FAM222A: variants seen among roughly 807,000 people sequenced by gnomAD.
FAM222A encodes the protein protein FAM222A.
In FAM222A, 7 loss-of-function variants were observed where a neutral mutation model predicts 25.8. The observed-to-expected ratio is 0.27, with a 90% CI of 0.15 to 0.51. The LOEUF (loss-of-function observed/expected upper bound fraction) is 0.51. Among genes scored for constraint, FAM222A ranks in the 20% least tolerant of loss-of-function variants. The probability of loss-of-function intolerance (pLI) is 0.97; values close to 1 mark genes in which losing one functional copy is unlikely to be tolerated. For missense variants in FAM222A, 573 were observed against 640.5 expected (o/e 0.89, Z 1.14); for synonymous variants, 294 against 298.8 (o/e 0.98, Z 0.17).
At position 109,768,484 on chromosome 12, in the gene FAM222A, G is replaced by A. The variant is rs556759423; in HGVS notation, c.555G>A (p.Pro185=). 1,437 of 1,604,050 alleles carry A rather than the reference G, an allele frequency of 9.0e-4. 22 individuals are homozygous for A. The South Asian group carries it at 0.015, about 17-fold the overall frequency. Residue 185 remains proline, a synonymous_variant, in exon 3 of 3, where the codon CCG becomes CCA. Transcript: ENST00000538780. ...CTGCCGCCTCCGTCATCCCCCTGCC[G>A]GGCCGGGGCCTGCCCCTGCCACCTT... is the stretch of plus-strand genomic sequence containing the variant. The part of the protein sequence containing the change: ...AATAASVIPL[P]GRGLPLPPSN...
chr12:109,746,325 C>T (rs922455077), intron 2 of FAM222A, among the ~76,000 whole-genome samples: 2 of 152,050 alleles, frequency 1.3e-5, no homozygotes, highest in Non-Finnish European at 2.9e-5. Flanking sequence ...CCCAACTCTA[C>T]TAAAAATACA....
intron 1 of FAM222A, among the ~76,000 whole-genome samples, chr12:109,730,501 C>T (rs144082115): frequency 2.5e-4 from 38 of 152,248 alleles, no homozygotes; most frequent in Non-Finnish European, 4.4e-4. Context: ...CTTTGCGCTC[C>T]GTGCCAGGTG....
intron 2 of FAM222A, among the ~76,000 whole-genome samples, chr12:109,754,594 T>C (rs1231531259): frequency 6.6e-6 from 1 of 152,158 alleles, no homozygotes; most frequent in Admixed American, 6.5e-5. Flanking sequence ...GGTGTAGCTG[T>C]GTTCCAATAA....
At chr12:109,746,059 T>A (rs1234053355) in intron 2 of FAM222A, among the ~76,000 whole-genome samples, 1 of 152,204 alleles carries the variant, frequency 6.6e-6, no homozygotes, top group Non-Finnish European at 1.5e-5. Flanking sequence ...GGAGGAATTT[T>A]GTTTGGAAAG....
chr12:109,748,495 T>C (rs1026559016), intron 2 of FAM222A, among the ~76,000 whole-genome samples: 2 of 152,138 alleles, frequency 1.3e-5, no homozygotes, highest in East Asian at 1.9e-4. Context: ...ATGAAACTGT[T>C]TGGGCTAGTG....
At chr12:109,767,914 G>T in intron 2 of FAM222A, 98 bp from the exon 3 acceptor site, 1 of 1,211,922 alleles carries the variant, frequency 8.3e-7, no homozygotes, top group South Asian at 1.5e-5. Context: ...GGAGTAAAAT[G>T]AATGGGAAAT....
rs1409069228 is a variant in FAM222A at position 109,768,482 on chromosome 12, C to T, written c.553C>T (p.Pro185Ser). 14 of 1,603,904 alleles carry T rather than the reference C, an allele frequency of 8.7e-6. No individual in the cohort carries two copies. The highest frequency in any genetic ancestry group is 1.2e-5 in the Non-Finnish European group (14 of 1,178,926). ...CACTGCCGCCTCCGTCATCCCCCTG[C>T]CGGGCCGGGGCCTGCCCCTGCCACC... Reference protein sequence around the residue: ...AATAASVIPLPGRGLPLPPSN... With the variant: ...AATAASVIPLSGRGLPLPPSN... Residue 185 changes from proline (P) to serine (S), a missense_variant, in exon 3 of 3, where the codon CCG becomes TCG. Pro to Ser is a moderately conservative substitution (Grantham distance 74). This residue lies in a region of FAM222A where 412 missense variants were observed against 407.0 expected (regional missense o/e 1.01). Transcript: ENST00000538780.
At chr12:109,746,015 T>C (rs1888390571) in intron 2 of FAM222A, among the ~76,000 whole-genome samples, 1 of 152,168 alleles carries the variant, frequency 6.6e-6, no homozygotes, top group South Asian at 2.1e-4. Context: ...GAAGACATTT[T>C]CCCCAAGTTG....
Position 109,769,463 on chromosome 12 carries a change from A to G in FAM222A, c.*175A>G, listed in dbSNP as rs1721780560. 2.7e-6 allele frequency: 2 copies of G among 754,182 alleles called. No individual in the cohort carries two copies. Among genetic ancestry groups the G allele is most frequent in the South Asian group, 3.8e-5 (2 of 53,004 alleles). 46.7% of individuals were successfully genotyped at this position (754,182 alleles called of 1,614,324 possible). On this transcript the variant is annotated 3_prime_UTR_variant, in exon 3 of 3. Coordinates refer to ENST00000538780, the MANE Select transcript of FAM222A (RefSeq NM_032829.3). ...TGGCCGGATGGAGGGTGGCAGGGCA[A>G]CCTCACATACCAAGGCCCCTCCCCA...
chr12:109,732,690 G>C (rs1387229787), intron 1 of FAM222A, among the ~76,000 whole-genome samples: 1 of 151,970 alleles, frequency 6.6e-6, no homozygotes, highest in Non-Finnish European at 1.5e-5. Flanking sequence ...GGAGGTGGGT[G>C]GGGGGAGGTG....
chr12:109,717,455 CA>C (rs1887665844), intron 1 of FAM222A, among the ~76,000 whole-genome samples: 1 of 152,104 alleles, frequency 6.6e-6, no homozygotes, highest in African/African-American at 2.4e-5. Flanking sequence ...GCCTGAGGGT[CA>C]AAAAGCCCTA....
intron 1 of FAM222A, among the ~76,000 whole-genome samples, chr12:109,739,644 A>G (rs1188742720): frequency 6.6e-6 from 1 of 152,034 alleles, no homozygotes; most frequent in Admixed American, 6.6e-5. Flanking sequence ...TAGAATCAAA[A>G]TGGATTTGGG....
intron 1 of FAM222A, among the ~76,000 whole-genome samples, chr12:109,719,908 G>A (rs916459633): frequency 1.3e-5 from 2 of 152,172 alleles, no homozygotes; most frequent in South Asian, 4.1e-4. Context: ...CTTGGGAGTC[G>A]CAGACCTGGG....
intron 2 of FAM222A, among the ~76,000 whole-genome samples, chr12:109,767,488 CCT>C (rs1376877808): frequency 6.6e-6 from 1 of 152,136 alleles, no homozygotes; most frequent in Non-Finnish European, 1.5e-5. Flanking sequence ...AGAGCAAGAC[CCT>C]GTCTCTAAAA....
Position 109,718,915 on chromosome 12 carries a change from CCT to C in FAM222A, c.-47+4019_-47+4020del, listed in dbSNP as rs577722268. On this transcript the variant is annotated intron_variant, in intron 1 of 2. Coordinates refer to ENST00000538780, the MANE Select transcript of FAM222A (RefSeq NM_032829.3). ...GGGATGGATTCCTTCCACCTGGACC[CCT>C]GATTGCTTAGTTGAGAAATATCTGA... Among the ~76,000 whole-genome samples the C allele has an allele frequency of 3.2e-4, 49 of 152,330 alleles. 1 individual carries two copies. The highest frequency in any genetic ancestry group is 6.8e-3 in the Middle Eastern group (2 of 294).
At chr12:109,752,592 C>T (rs1403358460) in intron 2 of FAM222A, among the ~76,000 whole-genome samples, 1 of 152,174 alleles carries the variant, frequency 6.6e-6, no homozygotes, top group Non-Finnish European at 1.5e-5. Flanking sequence ...GACAACATGA[C>T]CTTGGATGAG....
intron 1 of FAM222A, chr12:109,735,562 G>C (rs962316270): frequency 6.6e-6 from 1 of 152,198 alleles, no homozygotes; most frequent in East Asian, 1.9e-4. Flanking sequence ...GAGATACCGG[G>C]CCCCTCCCAT....
chr12:109,746,853 C>T (rs1888409927), intron 2 of FAM222A, among the ~76,000 whole-genome samples: 1 of 152,192 alleles, frequency 6.6e-6, no homozygotes, highest in Non-Finnish European at 1.5e-5. Flanking sequence ...GCTTCTTTCA[C>T]TTAGAATAAC....
At chr12:109,740,670 T>G (rs1266377586) in intron 1 of FAM222A, among the ~76,000 whole-genome samples, 3 of 152,342 alleles carry the variant, frequency 2.0e-5, no homozygotes, top group Non-Finnish European at 2.9e-5. Flanking sequence ...CTAGATCACT[T>G]TATCTGACAA....
Sources: allele counts gnomAD v4.1 joint callset (sites outside exome capture counted in the v4.1 genomes callset), GRCh38; gene constraint gnomAD v4.1.1; regional missense constraint gnomAD v4.1.1; transcripts MANE v1.5; gene names NCBI Gene and HGNC (gene_info 2026-07-23, HGNC 2026-07-21).